Variants in NRSN1 observed in about 807,000 individuals in gnomAD.
The protein encoded by NRSN1 is neurensin-1.
In NRSN1, 14 loss-of-function variants were observed where a neutral mutation model predicts 17.3. The ratio of observed to expected loss-of-function variants is 0.81; its 90% confidence interval spans 0.54 to 1.27. The LOEUF (loss-of-function observed/expected upper bound fraction) is 1.27. Ranked by LOEUF, NRSN1 falls within the 50% of genes most tolerant of loss-of-function variation. The pLI, the probability that NRSN1 is intolerant of heterozygous loss-of-function variation, is 0.00. For synonymous variants in NRSN1, 79 were observed against 94.2 expected (o/e 0.84, Z 0.93); for missense variants, 209 against 235.9 (o/e 0.89, Z 0.75).
Position 24,147,391 on chromosome 6 carries a change from T to C in NRSN1, c.*1445T>C, listed in dbSNP as rs1164218883. The stretch of plus-strand genomic sequence containing the variant: ...CTTCCTTCACTGGATAAATAAAATA[T>C]GTGAACAAGTGGAACCTGAATTGCA... On this transcript the variant is annotated 3_prime_UTR_variant, in exon 4 of 4. Transcript: ENST00000378491. The C allele has an allele frequency of 1.3e-5, 2 of 149,744 alleles. No individual in the cohort carries two copies. Among genetic ancestry groups the C allele is most frequent in the Admixed American group, 6.7e-5 (1 of 14,892 alleles). The allele number at this position is 149,744 out of a possible 1,614,324, so 9.3% of individuals were successfully genotyped here. A position where few individuals can be genotyped will look rare whatever the true frequency, so the allele number is the denominator to read the frequency against.
chr6:24,129,899 G>A (rs1368617967), intron 2 of NRSN1, among the ~76,000 whole-genome samples: 1 of 152,180 alleles, frequency 6.6e-6, no homozygotes, highest in Non-Finnish European at 1.5e-5. Flanking sequence ...AAAGTTGCTT[G>A]TGCCCAATCA....
chr6:24,146,176 T>C lies in NRSN1; in HGVS notation c.*230T>C. On this transcript the variant is annotated 3_prime_UTR_variant, in exon 4 of 4. Coordinates refer to ENST00000378491, the MANE Select transcript of NRSN1 (RefSeq NM_080723.5). ...CAGCTGCTTAAGATGGGTGCTTCCT[T>C]GTACCCGGCCACCAGAAAACCCCTG... is the stretch of plus-strand genomic sequence containing the variant. The C allele has an allele frequency of 1.4e-6, 1 of 703,588 alleles. No individual in the cohort carries two copies. Among genetic ancestry groups the C allele is most frequent in the Non-Finnish European group, 2.7e-6 (1 of 376,664 alleles). 43.6% of individuals were successfully genotyped at this position (703,588 alleles called of 1,614,324 possible).
intron 2 of NRSN1, among the ~76,000 whole-genome samples, chr6:24,131,700 C>T (rs909966477): frequency 8.5e-5 from 13 of 152,114 alleles, no homozygotes; most frequent in Admixed American, 8.5e-4. Flanking sequence ...AAGGAAAATG[C>T]CTTTAAAATT....
intron 3 of NRSN1, among the ~76,000 whole-genome samples, chr6:24,138,907 A>T (rs1035085299): frequency 1.3e-5 from 2 of 152,212 alleles, no homozygotes; most frequent in African/African-American, 4.8e-5. Context: ...TTTGAAATAC[A>T]TATATATTGT....
Position 24,145,724 on chromosome 6 carries a change from C to A in NRSN1, c.366C>A (p.Leu122=). The change falls in exon 4 of 4, where the codon CTC becomes CTA. Residue 122 remains leucine (L), a synonymous_variant. Coordinates refer to ENST00000378491, the MANE Select transcript of NRSN1 (RefSeq NM_080723.5). The surrounding 1 kb of genome is among the most constrained non-coding windows in gnomAD (Gnocchi z 4.4). ...TGTACAAGCTGGCAGGAGCTGTTCT[C>A]TTCTGCATTGGAGGCACGTCCATGG... ...LDMYKLAGAV[L]FCIGGTSMAG... is the part of the protein sequence containing the mutation. 1 of 1,614,190 alleles carries A rather than the reference C, an allele frequency of 6.2e-7. No individual in the cohort carries two copies. Among genetic ancestry groups the A allele is most frequent in the East Asian group, 2.2e-5 (1 of 44,886 alleles).
chr6:24,128,232 A>C (rs1393861545), intron 2 of NRSN1, 32 bp downstream of exon 2: 1 of 152,216 alleles, frequency 6.6e-6, no homozygotes, highest in Admixed American at 6.5e-5. Flanking sequence ...ATGTAGATTC[A>C]TAAGCACCCT....
At chr6:24,138,453 A>C (rs544096189) in intron 3 of NRSN1, among the ~76,000 whole-genome samples, 8 of 152,280 alleles carry the variant, frequency 5.3e-5, no homozygotes, top group African/African-American at 1.9e-4. Context: ...CGTCATATGT[A>C]GGTGTCAAAC....
chr6:24,126,658 C>T (rs1427085377), intron 1 of NRSN1, among the ~76,000 whole-genome samples: 1 of 152,110 alleles, frequency 6.6e-6, no homozygotes, highest in Non-Finnish European at 1.5e-5. Context: ...TTAGAGTTTC[C>T]TTTCCATAAG....
chr6:24,134,522 G>A lies in NRSN1; in HGVS notation c.189+6G>A, dbSNP rs556689986. On this transcript the variant is annotated splice_donor_region_variant and intron_variant, in intron 3 of 3. Coordinates refer to ENST00000378491, the MANE Select transcript of NRSN1 (RefSeq NM_080723.5). ...GGAGCTCAGTATTCTGGAAGGTAAG[G>A]AAGGAGCATGTGTTTAACTTAGGGA... The A allele has an allele frequency of 1.4e-5, 22 of 1,612,540 alleles. No homozygotes were observed. The African/African-American group carries it at 2.7e-4, about 20-fold the overall frequency.
At chr6:24,141,446 C>G (rs904865155) in intron 3 of NRSN1, 3 of 231,400 alleles carry the variant, frequency 1.3e-5, no homozygotes, top group Non-Finnish European at 2.4e-5. Flanking sequence ...TTTAACATGT[C>G]TGGAATTCCC....
chr6:24,131,698 T>C (rs1760031705), intron 2 of NRSN1, among the ~76,000 whole-genome samples: 1 of 152,184 alleles, frequency 6.6e-6, no homozygotes, highest in Non-Finnish European at 1.5e-5. Flanking sequence ...TAAAGGAAAA[T>C]GCCTTTAAAA....
rs1408972445 is a variant in NRSN1, at chr6:24,147,212, TTTC to T, written c.*1267_*1269del. The T allele has an allele frequency of 6.6e-6, 1 of 152,240 alleles. No homozygotes were observed. The highest frequency in any genetic ancestry group is 1.5e-5 in the Non-Finnish European group (1 of 68,050). 9.4% of individuals were successfully genotyped at this position (152,240 alleles called of 1,614,324 possible). On this transcript the variant is annotated 3_prime_UTR_variant, in exon 4 of 4. Coordinates refer to ENST00000378491, the MANE Select transcript of NRSN1 (RefSeq NM_080723.5). ...GGTAGATATTAACCTTAAAAAGGGT[TTTC>T]ATTCTCAAACAAGATGCTTTGTTCT...
In NRSN1 at chr6:24,142,802, A is replaced by C. The variant is rs180790461; in HGVS notation, c.190-2746A>C. 3.6e-4 allele frequency among the ~76,000 whole-genome samples: 55 copies of C among 152,284 alleles called. No individual in the cohort carries two copies. The East Asian group carries it at 0.011, about 29-fold the overall frequency. Reference sequence around the variant, plus strand: ...GTGCGGACCCAGAGTCAGCAGCAGCAAAATATACTGTGAAGAGCGAAAGAA... The same window carrying C: ...GTGCGGACCCAGAGTCAGCAGCAGCCAAATATACTGTGAAGAGCGAAAGAA... On this transcript the variant is annotated intron_variant, in intron 3 of 3. Transcript: ENST00000378491.
At chr6:24,126,786 C>T (rs1429422184) in intron 1 of NRSN1, among the ~76,000 whole-genome samples, 1 of 152,180 alleles carries the variant, frequency 6.6e-6, no homozygotes, top group Non-Finnish European at 1.5e-5. Context: ...TGTGCCACGT[C>T]TGAAGATGTT....
At chr6:24,137,523 GT>G (rs201430698) in intron 3 of NRSN1, among the ~76,000 whole-genome samples, 2,085 of 150,910 alleles carry the variant, frequency 0.014, 28 homozygotes, top group African/African-American at 0.035. Context: ...GATTGTTGTT[GT>G]TTTTTTTTAA....
Position 24,145,198 on chromosome 6 carries a change from A to AATATATCTTTAGATAATATAAAGATTAT in NRSN1, c.190-315_190-288dup, listed in dbSNP as rs1318455157. Reference sequence around the variant, plus strand: ...ATTATATAGATCTTTAGCTATATATAATATATCTTTAGATAATATAAAGAT... The same window carrying AATATATCTTTAGATAATATAAAGATTAT: ...ATTATATAGATCTTTAGCTATATATAATATATCTTTAGATAATATAAAGATTATATATATCTTTAGATAATATAAAGAT... On this transcript the variant is annotated intron_variant, in intron 3 of 3. Coordinates refer to ENST00000378491, the MANE Select transcript of NRSN1 (RefSeq NM_080723.5). The surrounding 1 kb of genome is among the most constrained non-coding windows in gnomAD (Gnocchi z 4.4). Among the ~76,000 whole-genome samples the AATATATCTTTAGATAATATAAAGATTAT allele has an allele frequency of 2.0e-3, 238 of 120,916 alleles. 2 individuals are homozygous for AATATATCTTTAGATAATATAAAGATTAT. The highest frequency in any genetic ancestry group is 5.6e-3 in the African/African-American group (193 of 34,422). 79.3% of individuals were successfully genotyped at this position (120,916 alleles called of 152,430 possible).
chr6:24,140,987 A>C, intron 3 of NRSN1: 1 of 1,443,914 alleles, frequency 6.9e-7, no homozygotes. Flanking sequence ...ACAGCACAAA[A>C]ACTGTCCTCG....
chr6:24,132,650 T>G (rs138295261), intron 2 of NRSN1, among the ~76,000 whole-genome samples: 4 of 152,374 alleles, frequency 2.6e-5, no homozygotes, highest in African/African-American at 9.6e-5. Flanking sequence ...AAGAGTTCTT[T>G]CAGAATTTTA....
chr6:24,126,516 C>CA (rs923956388), intron 1 of NRSN1, among the ~76,000 whole-genome samples, 176 bp downstream of exon 1: 10 of 151,956 alleles, frequency 6.6e-5, no homozygotes, highest in Admixed American at 4.6e-4. Context: ...CCAATCTCCA[C>CA]AAAAAACATG....
Sources: allele counts gnomAD v4.1 joint callset (sites outside exome capture counted in the v4.1 genomes callset), GRCh38; gene constraint gnomAD v4.1.1; non-coding constraint Gnocchi (gnomAD v3.1); transcripts MANE v1.5; gene names NCBI Gene and HGNC (gene_info 2026-07-23, HGNC 2026-07-21).